GPR155: variants seen among roughly 807,000 people sequenced by gnomAD.
GPR155 encodes lysosomal cholesterol signaling protein.
Under a neutral mutation model 93.1 loss-of-function variants are expected in GPR155, and 65 were observed. The ratio of observed to expected loss-of-function variants is 0.70; its 90% CI spans 0.57 to 0.86. GPR155 has a LOEUF of 0.86. Ranked by LOEUF, GPR155 falls within the 40% of genes least tolerant of loss-of-function variation. The pLI is 0.00. For synonymous variants in GPR155, 319 were observed against 360.1 expected, an observed-to-expected ratio of 0.89 and a Z score of 1.29; for missense variants, 838 against 1,034.8, an observed-to-expected ratio of 0.81 and a Z score of 2.61.
intron 7 of GPR155, among the ~76,000 whole-genome samples, chr2:174,464,222 A>C (rs1439359278): frequency 2.0e-5 from 3 of 152,240 alleles, no homozygotes; most frequent in Non-Finnish European, 4.4e-5. Context: ...CCTAAGGTGT[A>C]GAGATTATAG....
chr2:174,449,749 G>C (rs1261046097), intron 11 of GPR155, among the ~76,000 whole-genome samples: 1 of 152,178 alleles, frequency 6.6e-6, no homozygotes, highest in Non-Finnish European at 1.5e-5. Flanking sequence ...GCTGAGGTGG[G>C]CAGATCACCT....
At chr2:174,462,886 T>A (rs1192890913) in intron 7 of GPR155, among the ~76,000 whole-genome samples, 1 of 152,192 alleles carries the variant, frequency 6.6e-6, no homozygotes, top group Non-Finnish European at 1.5e-5. Context: ...AACTTTAAAG[T>A]TGAAAGGGAC....
chr2:174,474,463 G>GTTAACACAAATTCAACC (rs1441693545), intron 2 of GPR155, among the ~76,000 whole-genome samples: 2 of 152,164 alleles, frequency 1.3e-5, no homozygotes, highest in Non-Finnish European at 2.9e-5. Flanking sequence ...TGCACATTTA[G>GTTAACACAAATTCAACC]TTAACACAAA....
At chr2:174,465,361 A>G (rs1315728524) in intron 7 of GPR155, among the ~76,000 whole-genome samples, 5 of 152,232 alleles carry the variant, frequency 3.3e-5, no homozygotes, top group Admixed American at 6.5e-5. Context: ...AAATGAGGAA[A>G]CTGAGGCTTC....
chr2:174,482,038 T>C, intron 1 of GPR155, 51 bp from the exon 2 acceptor site: 1 of 915,452 alleles, frequency 1.1e-6, no homozygotes, highest in South Asian at 1.6e-5. Context: ...AGAATTCTAG[T>C]TGAAATAATA....
intron 11 of GPR155, among the ~76,000 whole-genome samples, chr2:174,448,829 GC>G: frequency 6.6e-6 from 1 of 151,950 alleles, no homozygotes; most frequent in Non-Finnish European, 1.5e-5. Context: ...GAGCCACCGC[GC>G]CCGGCCTACT....
intron 12 of GPR155, 107 bp downstream of exon 12, chr2:174,446,504 C>T: frequency 1.0e-6 from 1 of 989,652 alleles, no homozygotes; most frequent in South Asian, 1.6e-5. Context: ...GACCTAGCTA[C>T]CACACTTCTG....
intron 9 of GPR155, 65 bp from the exon 10 acceptor site, chr2:174,460,153 C>CTTTTTTTTT (rs1559109134): frequency 1.8e-6 from 1 of 554,618 alleles, no homozygotes; most frequent in African/African-American, 2.7e-5. Context: ...TCTTAGGGCA[C>CTTTTTTTTT]ATTTTTTTTT....
chr2:174,451,111 ACCAG>A (rs1189380839), intron 11 of GPR155, among the ~76,000 whole-genome samples: 1 of 152,046 alleles, frequency 6.6e-6, no homozygotes, highest in Non-Finnish European at 1.5e-5. Flanking sequence ...GGAGTTTGAC[ACCAG>A]CCTGGCCAAC....
chr2:174,441,754 T>C (rs1686969651), intron 14 of GPR155, among the ~76,000 whole-genome samples: 1 of 151,518 alleles, frequency 6.6e-6, no homozygotes, highest in Admixed American at 6.6e-5. Context: ...TGTGTGTGCG[T>C]GTGTGTGTGA....
intron 15 of GPR155, among the ~76,000 whole-genome samples, chr2:174,436,619 T>G (rs1389475572): frequency 6.6e-6 from 1 of 152,170 alleles, no homozygotes; most frequent in Non-Finnish European, 1.5e-5. Flanking sequence ...AAAGAAAATA[T>G]GCCAGTAATG....
intron 1 of GPR155, among the ~76,000 whole-genome samples, chr2:174,485,062 T>G (rs1430036927): frequency 6.6e-6 from 1 of 152,240 alleles, no homozygotes; most frequent in Non-Finnish European, 1.5e-5. Context: ...ATGTTAGTTC[T>G]TCAAACATAA....
Position 174,476,536 on chromosome 2 carries a change from G to A in GPR155, c.461-3172C>T, listed in dbSNP as rs541564118. Among the ~76,000 whole-genome samples the A allele has an allele frequency of 6.6e-5, 10 of 152,166 alleles. No individual in the cohort carries two copies. The East Asian group carries it at 9.7e-4, about 15-fold the overall frequency. On this transcript the variant is annotated intron_variant, in intron 2 of 15. Transcript: ENST00000392552. ...GGATAATTGCTTGAACCTGGGAGGC[G>A]GAGATTGCAGTGAGCCAAGACTGCA...
intron 11 of GPR155, among the ~76,000 whole-genome samples, chr2:174,448,380 AAAGT>A (rs1164442320): frequency 6.6e-6 from 1 of 152,200 alleles, no homozygotes; most frequent in Non-Finnish European, 1.5e-5. Context: ...GTCTCAAAAA[AAAGT>A]AATGCCTCAA....
chr2:174,446,768 C>T (rs1687146456), intron 11 of GPR155, 21 bp from the exon 12 acceptor site: 2 of 1,609,544 alleles, frequency 1.2e-6, no homozygotes, highest in Admixed American at 3.4e-5. Context: ...GTAAGCACAA[C>T]AATTTGTAAT....
intron 2 of GPR155, among the ~76,000 whole-genome samples, chr2:174,476,862 A>G (rs1688182168): frequency 1.3e-5 from 2 of 152,022 alleles, no homozygotes; most frequent in South Asian, 4.2e-4. Context: ...CTGGCACTAC[A>G]TTTCCCACCA....
intron 15 of GPR155, among the ~76,000 whole-genome samples, chr2:174,438,902 T>C (rs1044863241): frequency 6.6e-6 from 1 of 152,350 alleles, no homozygotes; most frequent in South Asian, 2.1e-4. Flanking sequence ...CTTCATAGTT[T>C]ACTGTTGCCA....
At chr2:174,450,230 C>T (rs543059376) in intron 11 of GPR155, among the ~76,000 whole-genome samples, 31 of 151,812 alleles carry the variant, frequency 2.0e-4, no homozygotes, top group Admixed American at 1.3e-3. Flanking sequence ...AAACAGAAAA[C>T]CAAGTGCTGC....
intron 13 of GPR155, among the ~76,000 whole-genome samples, chr2:174,444,788 GC>G (rs1249443739): frequency 2.0e-5 from 3 of 152,010 alleles, no homozygotes; most frequent in Admixed American, 6.6e-5. Flanking sequence ...GAGCCAATGA[GC>G]CCGGTCCCAA....
Sources: allele counts gnomAD v4.1 joint callset (sites outside exome capture counted in the v4.1 genomes callset), GRCh38; gene constraint gnomAD v4.1.1; transcripts MANE v1.5; gene names NCBI Gene and HGNC (gene_info 2026-07-23, HGNC 2026-07-21).